Variants in MTRF1 observed in about 807,000 individuals in gnomAD.
MTRF1 encodes peptide chain release factor 1, mitochondrial.
A neutral mutation model predicts 62.9 loss-of-function variants in MTRF1; 51 were observed. That is an observed-to-expected ratio of 0.81 (90% CI 0.65 to 1.02). The LOEUF (loss-of-function observed/expected upper bound fraction) is 1.02. Among genes scored for constraint, MTRF1 ranks in the 50% least tolerant of loss-of-function variants. The pLI is 0.00. For synonymous variants in MTRF1, 158 were observed against 181.9 expected (o/e 0.87, Z 1.06); for missense variants, 446 against 530.0 (o/e 0.84, Z 1.56).
At chr13:41,299,437 G>A in the MTRF1 span, among the ~76,000 whole-genome samples, 1 of 152,080 alleles carries the variant, frequency 6.6e-6, no homozygotes, top group Non-Finnish European at 1.5e-5. Context: ...GTATTTCAAA[G>A]TTACCTCATT....
chr13:41,265,323 A>G (rs1327593623), upstream of MTRF1, among the ~76,000 whole-genome samples: 1 of 151,886 alleles, frequency 6.6e-6, no homozygotes, highest in Non-Finnish European at 1.5e-5. Flanking sequence ...TCGGAGGCTG[A>G]GGCAGGAGAA....
chr13:41,267,245 G>T (rs2040851473), upstream of MTRF1, among the ~76,000 whole-genome samples: 1 of 151,980 alleles, frequency 6.6e-6, no homozygotes, highest in Admixed American at 6.6e-5. Context: ...TAGACTTGTG[G>T]TATATAATGT....
At chr13:41,309,432 C>T in the MTRF1 span, among the ~76,000 whole-genome samples, 3 of 151,590 alleles carry the variant, frequency 2.0e-5, no homozygotes, top group South Asian at 2.1e-4. Context: ...CAGGGTGATC[C>T]GCCTGCCTCA....
the MTRF1 span, among the ~76,000 whole-genome samples, chr13:41,302,512 C>T: frequency 9.2e-5 from 14 of 151,716 alleles, no homozygotes; most frequent in African/African-American, 3.4e-4. Flanking sequence ...GGGAGAAACA[C>T]ACTAGATCTG....
chr13:41,287,899 G>A, the MTRF1 span: 1 of 401,872 alleles, frequency 2.5e-6, no homozygotes, highest in Non-Finnish European at 4.9e-6. Flanking sequence ...GCTAAAAACT[G>A]CAGATAGGTG....
In MTRF1 at chr13:41,254,250, G is replaced by A. The variant is rs112771515; in HGVS notation, c.507+279C>T. Among the ~76,000 whole-genome samples the A allele has an allele frequency of 4.6e-3, 703 of 151,998 alleles. 5 individuals are homozygous for A. The highest frequency in any genetic ancestry group is 0.016 in the African/African-American group (647 of 41,476). On this transcript the variant is annotated intron_variant, in intron 3 of 9. Transcript: ENST00000379480. The stretch of plus-strand genomic sequence containing the variant: ...AAATCCTCTGACTCTTCCCTGTGGT[G>A]AACTAAATTTCTTTACCAGCACGTA...
intron 9 of MTRF1, chr13:41,220,565 C>A: frequency 1.6e-6 from 2 of 1,287,122 alleles, no homozygotes; most frequent in Non-Finnish European, 2.0e-6. Flanking sequence ...ATGAGAATAC[C>A]AGGTGATCTC....
intron 6 of MTRF1, chr13:41,235,944 C>G (rs1344908695): frequency 1.3e-5 from 2 of 150,440 alleles, no homozygotes; most frequent in Non-Finnish European, 2.9e-5. Flanking sequence ...TGCTTTGTTG[C>G]CCAGGCTGGA....
At chr13:41,237,029 A>G (rs1393461193) in intron 6 of MTRF1, among the ~76,000 whole-genome samples, 1 of 152,014 alleles carries the variant, frequency 6.6e-6, no homozygotes, top group Non-Finnish European at 1.5e-5. Context: ...GACCAGCCTG[A>G]GCAACATGGC....
upstream of MTRF1, among the ~76,000 whole-genome samples, chr13:41,264,419 A>G (rs1403626128): frequency 3.9e-5 from 6 of 152,194 alleles, no homozygotes; most frequent in Non-Finnish European, 7.3e-5. Context: ...ACTTTGACTA[A>G]TCCAGTGGGA....
the MTRF1 span, among the ~76,000 whole-genome samples, chr13:41,271,756 CT>C: frequency 1.3e-5 from 2 of 152,120 alleles, no homozygotes; most frequent in Admixed American, 1.3e-4. Flanking sequence ...GGGTGCCATT[CT>C]GCTGGGAGGA....
chr13:41,227,807 A>G (rs765425947), intron 7 of MTRF1, among the ~76,000 whole-genome samples: 2 of 152,246 alleles, frequency 1.3e-5, no homozygotes, highest in South Asian at 4.1e-4. Flanking sequence ...AATAAGCTAC[A>G]GTCACTACCT....
intron 5 of MTRF1, among the ~76,000 whole-genome samples, chr13:41,244,795 A>G (rs536854530): frequency 6.6e-6 from 1 of 152,290 alleles, no homozygotes; most frequent in East Asian, 1.9e-4. Context: ...ATGTGTTGAG[A>G]TGACAACAAC....
chr13:41,294,104 T>G, the MTRF1 span, among the ~76,000 whole-genome samples: 1 of 152,058 alleles, frequency 6.6e-6, no homozygotes, highest in Non-Finnish European at 1.5e-5. Context: ...AAATGTATTT[T>G]TGATAGAAAA....
At chr13:41,247,889 A>G (rs530253259) in intron 5 of MTRF1, among the ~76,000 whole-genome samples, 1 of 152,274 alleles carries the variant, frequency 6.6e-6, no homozygotes, top group Admixed American at 6.5e-5. Flanking sequence ...GCTAAAACTC[A>G]TTGATCATCT....
the MTRF1 span, among the ~76,000 whole-genome samples, chr13:41,288,832 C>A: frequency 6.6e-6 from 1 of 152,142 alleles, no homozygotes; most frequent in Non-Finnish European, 1.5e-5. Flanking sequence ...GCAGCGGAGA[C>A]AACTCGCAGT....
chr13:41,305,141 C>T, the MTRF1 span, among the ~76,000 whole-genome samples: 1 of 152,284 alleles, frequency 6.6e-6, no homozygotes, highest in Middle Eastern at 3.4e-3. Context: ...ACTGCAGCGT[C>T]GACCTCCCAG....
the MTRF1 span, among the ~76,000 whole-genome samples, chr13:41,300,564 C>T: frequency 8.8e-5 from 13 of 147,804 alleles, no homozygotes; most frequent in Admixed American, 2.1e-4. Context: ...CCAGCCTGGG[C>T]GACACAGCAA....
chr13:41,231,947 G>A (rs1287939019), intron 7 of MTRF1, among the ~76,000 whole-genome samples: 1 of 151,550 alleles, frequency 6.6e-6, no homozygotes, highest in African/African-American at 2.4e-5. Flanking sequence ...CCAGCTACCA[G>A]GAAGCTGGGA....
Sources: allele counts gnomAD v4.1 joint callset (sites outside exome capture counted in the v4.1 genomes callset), GRCh38; gene constraint gnomAD v4.1.1; transcripts MANE v1.5; gene names NCBI Gene and HGNC (gene_info 2026-07-23, HGNC 2026-07-21).